Variants in MALRD1 observed in about 807,000 individuals in gnomAD.
MALRD1 encodes MAM and LDL-receptor class A domain-containing protein 1.
MALRD1 carries 247 observed loss-of-function variants against 242.1 expected under a neutral mutation model. That is an observed-to-expected ratio of 1.02 (90% confidence interval 0.92 to 1.13). MALRD1 has a LOEUF of 1.13. MALRD1 is among the 50% of genes most tolerant of loss of function. The probability of loss-of-function intolerance (pLI) is 0.00; values close to 1 mark genes in which losing one functional copy is unlikely to be tolerated. For synonymous variants in MALRD1, 995 were observed against 866.6 expected, an observed-to-expected ratio of 1.15 and a Z score of -2.60; for missense variants, 2,989 against 2,533.1, an observed-to-expected ratio of 1.18 and a Z score of -3.86.
intron 36 of MALRD1, among the ~76,000 whole-genome samples, chr10:19,643,442 G>A (rs1023747211): frequency 7.3e-5 from 11 of 151,678 alleles, no homozygotes; most frequent in South Asian, 2.1e-4. Context: ...AAGAAACTCC[G>A]TCTCAAAAAA....
chr10:19,309,301 C>T (rs1842336002), intron 21 of MALRD1, among the ~76,000 whole-genome samples: 1 of 151,344 alleles, frequency 6.6e-6, no homozygotes, highest in African/African-American at 2.4e-5. Flanking sequence ...CAACACTCAC[C>T]AATATTTAAG....
chr10:19,627,223 G>A (rs1021619319), intron 36 of MALRD1, among the ~76,000 whole-genome samples: 1 of 151,862 alleles, frequency 6.6e-6, no homozygotes, highest in Non-Finnish European at 1.5e-5. Context: ...ATATATATAG[G>A]GGAAAAGCAT....
At chr10:19,169,938 G>A (rs2131519089) in intron 13 of MALRD1, among the ~76,000 whole-genome samples, 1 of 152,294 alleles carries the variant, frequency 6.6e-6, no homozygotes, top group East Asian at 1.9e-4. Flanking sequence ...AAAGAAGAAA[G>A]ACATCAAATC....
chr10:19,489,222 C>T, intron 29 of MALRD1: 1 of 474,742 alleles, frequency 2.1e-6, no homozygotes. Flanking sequence ...AAGGCAGCAG[C>T]GAAGGATACA....
chr10:19,086,318 C>T (rs1038803355), intron 2 of MALRD1, among the ~76,000 whole-genome samples: 3 of 151,842 alleles, frequency 2.0e-5, no homozygotes, highest in African/African-American at 7.3e-5. Context: ...TTTAAAATAC[C>T]ACTGAATAAC....
chr10:19,227,521 T>G (rs1837850240), intron 18 of MALRD1, among the ~76,000 whole-genome samples: 1 of 152,056 alleles, frequency 6.6e-6, no homozygotes, highest in Non-Finnish European at 1.5e-5. Context: ...TAAAGCTTAC[T>G]GAATAGGAAA....
chr10:19,603,206 C>A lies in MALRD1; in HGVS notation c.5945-4571C>A, dbSNP rs187470210. 7.0e-3 allele frequency among the ~76,000 whole-genome samples: 1,068 copies of A among 152,272 alleles called. 12 individuals carry two copies. The highest frequency in any genetic ancestry group is 0.025 in the African/African-American group (1,034 of 41,558). ...GAAGCTCTTTAGTTTAATTAGATCTCATTTGTCAATTTTGGCTTTTGTTGT... is the reference window on the plus strand; with the variant it reads ...GAAGCTCTTTAGTTTAATTAGATCTAATTTGTCAATTTTGGCTTTTGTTGT... On this transcript the variant is annotated intron_variant, in intron 34 of 39. Transcript: ENST00000454679.
chr10:19,625,060 A>AGAG (rs78057148), intron 36 of MALRD1, among the ~76,000 whole-genome samples: 8 of 148,624 alleles, frequency 5.4e-5, no homozygotes, highest in Non-Finnish European at 7.4e-5. Flanking sequence ...CTATTTTAAA[A>AGAG]AGAGAGAGAG....
chr10:19,654,939 G>A (rs963147179), intron 36 of MALRD1, among the ~76,000 whole-genome samples: 2 of 152,138 alleles, frequency 1.3e-5, no homozygotes, highest in Admixed American at 6.6e-5. Flanking sequence ...TTTGAGTTCA[G>A]TAGGGATTAA....
In MALRD1 at chr10:19,191,052, A is replaced by G. The variant is rs371893395; in HGVS notation, c.1952-12676A>G. The stretch of plus-strand genomic sequence containing the variant: ...AGGGGAGAAACTTTTTGCAAATTGT[A>G]TATCTGATAAGGGATTGATATCCAC... On this transcript the variant is annotated intron_variant, in intron 14 of 39. Transcript: ENST00000454679. Among the ~76,000 whole-genome samples, 67 of 152,340 alleles carry G rather than the reference A, an allele frequency of 4.4e-4. No individual in the cohort carries two copies. In the East Asian group the frequency reaches 0.012, roughly 27 times the overall value.
intron 29 of MALRD1, among the ~76,000 whole-genome samples, chr10:19,463,430 G>A (rs1836047026): frequency 6.6e-6 from 1 of 151,764 alleles, no homozygotes; most frequent in South Asian, 2.1e-4. Flanking sequence ...CCACTTACGA[G>A]TAAGAGCATA....
At chr10:19,654,898 T>A (rs1423094125) in intron 36 of MALRD1, among the ~76,000 whole-genome samples, 1 of 152,170 alleles carries the variant, frequency 6.6e-6, no homozygotes, top group Non-Finnish European at 1.5e-5. Flanking sequence ...CTACCCCACC[T>A]GCTGCATAAA....
chr10:19,481,219 T>C (rs1217950624), intron 29 of MALRD1, among the ~76,000 whole-genome samples: 2 of 152,160 alleles, frequency 1.3e-5, no homozygotes, highest in African/African-American at 4.8e-5. Context: ...GTCCAGTAAC[T>C]CTGATAACAC....
chr10:19,133,329 AAT>A (rs1250788024), intron 8 of MALRD1, among the ~76,000 whole-genome samples: 2 of 152,226 alleles, frequency 1.3e-5, no homozygotes, highest in Admixed American at 6.5e-5. Flanking sequence ...CCAAATTAAG[AAT>A]ATAATTTTCA....
intron 18 of MALRD1, among the ~76,000 whole-genome samples, chr10:19,217,276 C>A (rs561488312): frequency 6.6e-6 from 1 of 152,160 alleles, no homozygotes; most frequent in Non-Finnish European, 1.5e-5. Context: ...CTCATCCCTA[C>A]ATTTACTGAT....
intron 18 of MALRD1, among the ~76,000 whole-genome samples, chr10:19,220,339 A>T (rs532858204): frequency 1.1e-4 from 17 of 152,278 alleles, no homozygotes; most frequent in African/African-American, 4.1e-4. Flanking sequence ...GTTGAATGAA[A>T]ATGAGAGAGA....
chr10:19,668,345 C>T (rs970285887), intron 36 of MALRD1, among the ~76,000 whole-genome samples: 3 of 152,012 alleles, frequency 2.0e-5, no homozygotes, highest in African/African-American at 7.3e-5. Context: ...AATGAAGCCT[C>T]GAAAATTCTA....
intron 26 of MALRD1, among the ~76,000 whole-genome samples, chr10:19,386,097 C>G (rs1468237920): frequency 1.3e-5 from 2 of 152,078 alleles, no homozygotes; most frequent in Non-Finnish European, 2.9e-5. Flanking sequence ...AATACGTTTC[C>G]TCTCCAGTGG....
intron 29 of MALRD1, among the ~76,000 whole-genome samples, chr10:19,475,153 C>T (rs1481771072): frequency 3.3e-5 from 5 of 152,180 alleles, no homozygotes; most frequent in Non-Finnish European, 7.3e-5. Flanking sequence ...CAGTGGCTCA[C>T]GCCTGTAATC....
Sources: gnomAD v4.1 joint callset for allele counts (sites outside exome capture counted in the v4.1 genomes callset) on GRCh38, gnomAD v4.1.1 for gene constraint, MANE v1.5 for transcripts, NCBI Gene and HGNC (gene_info 2026-07-23, HGNC 2026-07-21) for gene names.